The following UGT1A8 variants were observed in gnomAD, a reference collection of about 807,000 sequenced individuals.
The protein encoded by UGT1A8 is UDP glucuronosyltransferase family 1 member A8.
A neutral mutation model predicts 45.3 loss-of-function variants in UGT1A8; 39 were observed. The observed-to-expected ratio is 0.86, with a 90% CI of 0.67 to 1.12. The LOEUF (loss-of-function observed/expected upper bound fraction) is 1.12, where lower values mean the gene tolerates loss of function less well. Ranked by LOEUF, UGT1A8 falls within the 50% of genes most tolerant of loss-of-function variation. The probability of loss-of-function intolerance (pLI) is 0.00; values close to 1 mark genes in which losing one functional copy is unlikely to be tolerated. For synonymous variants in UGT1A8, 275 were observed against 249.2 expected, an observed-to-expected ratio of 1.10 and a Z score of -0.97; for missense variants, 719 against 664.9, an observed-to-expected ratio of 1.08 and a Z score of -0.90.
Position 233,729,749 on chromosome 2 carries a change from T to C in UGT1A8, c.856-37285T>C, listed in dbSNP as rs747302247. On this transcript the variant is annotated intron_variant, in intron 1 of 4. Coordinates refer to ENST00000373450, the MANE Select transcript of UGT1A8 (RefSeq NM_019076.5). ...ACCAATTCAGACCACATGACATTCA[T>C]GCAAAGGGTCAAGAACATGCTCTAC... The C allele has an allele frequency of 6.2e-6, 10 of 1,613,882 alleles. No homozygotes were observed. In the Admixed American group the frequency reaches 8.3e-5, roughly 13 times the overall value.
intron 1 of UGT1A8, among the ~76,000 whole-genome samples, chr2:233,695,490 A>G (rs1163711980): frequency 2.0e-5 from 3 of 149,960 alleles, no homozygotes; most frequent in East Asian, 3.9e-4. Flanking sequence ...TCTCTTTTCT[A>G]TCAAAGTTTT....
chr2:233,626,615 A>G (rs2073088024), intron 1 of UGT1A8, among the ~76,000 whole-genome samples: 1 of 152,076 alleles, frequency 6.6e-6, no homozygotes, highest in Admixed American at 6.6e-5. Context: ...AGCTCTGTCT[A>G]TAACAACAAT....
chr2:233,641,835 C>A (rs977714640), intron 1 of UGT1A8, among the ~76,000 whole-genome samples: 1 of 152,088 alleles, frequency 6.6e-6, no homozygotes, highest in Admixed American at 6.6e-5. Context: ...ATGCCACTCT[C>A]TCCTGGCCTG....
intron 1 of UGT1A8, chr2:233,682,765 C>G (rs141393523): frequency 8.1e-6 from 13 of 1,613,600 alleles, no homozygotes; most frequent in Non-Finnish European, 1.0e-5. Flanking sequence ...GTGGTATCAA[C>G]TGTCATCAGG....
At chr2:233,757,560 A>ATATATATATATATATATATATG (rs904896556) in intron 1 of UGT1A8, among the ~76,000 whole-genome samples, 6 of 123,150 alleles carry the variant, frequency 4.9e-5, no homozygotes, top group African/African-American at 2.0e-4. Flanking sequence ...ATATATATAT[A>ATATATATATATATATATATATG]TGTATATATG....
At chr2:233,680,451 G>A (rs17863777) in intron 1 of UGT1A8, among the ~76,000 whole-genome samples, 1 of 152,156 alleles carries the variant, frequency 6.6e-6, no homozygotes, top group East Asian at 1.9e-4. Flanking sequence ...AAGTGACTAA[G>A]CAAATGTCTA....
intron 1 of UGT1A8, among the ~76,000 whole-genome samples, chr2:233,663,920 A>G (rs1209441237): frequency 3.9e-5 from 6 of 152,192 alleles, no homozygotes; most frequent in Admixed American, 3.9e-4. Context: ...GTAGAATGAT[A>G]TAACTTCCAA....
chr2:233,628,027 C>G (rs1430688558), intron 1 of UGT1A8, among the ~76,000 whole-genome samples: 2 of 151,986 alleles, frequency 1.3e-5, no homozygotes, highest in Admixed American at 6.6e-5. Context: ...CACTTCAGCT[C>G]ACTGGAATAG....
chr2:233,762,997 ATCATT>A (rs1212266483), intron 1 of UGT1A8, among the ~76,000 whole-genome samples: 2 of 152,206 alleles, frequency 1.3e-5, no homozygotes, highest in African/African-American at 4.8e-5. Context: ...GAAATTGATT[ATCATT>A]TCATTATTTT....
intron 1 of UGT1A8, chr2:233,690,950 T>C (rs2075022597): frequency 1.4e-5 from 14 of 1,011,308 alleles, no homozygotes; most frequent in Non-Finnish European, 1.7e-5. Context: ...TCATGTTCTG[T>C]AGGGACTTCT....
chr2:233,626,011 G>A (rs1483645518), intron 1 of UGT1A8, among the ~76,000 whole-genome samples: 5 of 152,032 alleles, frequency 3.3e-5, no homozygotes, highest in Non-Finnish European at 2.9e-5. Flanking sequence ...GGGCTGTGGA[G>A]GAGGAGGAGT....
chr2:233,629,664 T>A (rs1467201011), intron 1 of UGT1A8, among the ~76,000 whole-genome samples: 1 of 152,160 alleles, frequency 6.6e-6, no homozygotes, highest in Non-Finnish European at 1.5e-5. Context: ...CCCCTAGGCT[T>A]CAGTTTTTGG....
At position 233,733,533 on chromosome 2, in the gene UGT1A8, G is replaced by A. The variant is rs184573517; in HGVS notation, c.856-33501G>A. On this transcript the variant is annotated intron_variant, in intron 1 of 4. Coordinates refer to ENST00000373450, the MANE Select transcript of UGT1A8 (RefSeq NM_019076.5). ...TAGGCATGAAGGGATGTTTAATTTT[G>A]TTGAAGGCCTTTTCTGCATCTGTTG... 2.9e-3 allele frequency among the ~76,000 whole-genome samples: 440 copies of A among 152,268 alleles called. 3 individuals carry two copies. Among genetic ancestry groups the A allele is most frequent in the African/African-American group, 0.01 (417 of 41,554 alleles).
intron 1 of UGT1A8, among the ~76,000 whole-genome samples, chr2:233,720,216 C>G (rs1381624179): frequency 6.6e-6 from 1 of 152,096 alleles, no homozygotes; most frequent in Non-Finnish European, 1.5e-5. Context: ...GGGATGGATG[C>G]ATGTGATCAG....
At position 233,670,779 on chromosome 2, in the gene UGT1A8, C is replaced by G. The variant is rs150896440; in HGVS notation, c.855+52217C>G. ...ACCTTCAGTGTTGAACTCATGGGTT[C>G]TGGGTGGCTAGGGGCATTGTCCAAA... is the stretch of plus-strand genomic sequence containing the variant. On this transcript the variant is annotated intron_variant, in intron 1 of 4. Coordinates refer to ENST00000373450, the MANE Select transcript of UGT1A8 (RefSeq NM_019076.5). Among the ~76,000 whole-genome samples, 389 of 152,284 alleles carry G rather than the reference C, an allele frequency of 2.6e-3. 1 individual carries two copies. Among genetic ancestry groups the G allele is most frequent in the African/African-American group, 8.7e-3 (363 of 41,562 alleles).
intron 1 of UGT1A8, among the ~76,000 whole-genome samples, chr2:233,721,151 A>C (rs2076923692): frequency 6.6e-6 from 1 of 152,178 alleles, no homozygotes. Context: ...TGCAAAGGAC[A>C]CTAAACTTTA....
At position 233,667,387 on chromosome 2, in the gene UGT1A8, TGGATTAA is replaced by T. The variant is rs2074100922; in HGVS notation, c.855+48826_855+48832del. 2.5e-4 allele frequency among the ~76,000 whole-genome samples: 38 copies of T among 152,306 alleles called. No individual in the cohort carries two copies. The South Asian group carries it at 7.7e-3, about 31-fold the overall frequency. On this transcript the variant is annotated intron_variant, in intron 1 of 4. Coordinates refer to ENST00000373450, the MANE Select transcript of UGT1A8 (RefSeq NM_019076.5). ...ACCTTATACAAAAATTAATTCAAGA[TGGATTAA>T]AGACTTAAATGTTAGACCTTAAACC... is the stretch of plus-strand genomic sequence containing the variant.
At chr2:233,732,047 A>C (rs1159846609) in intron 1 of UGT1A8, among the ~76,000 whole-genome samples, 1 of 152,222 alleles carries the variant, frequency 6.6e-6, no homozygotes, top group Admixed American at 6.5e-5. Flanking sequence ...GATGATGAGC[A>C]TTTATTCATG....
rs1035578503 is a variant in UGT1A8 at position 233,760,453 on chromosome 2, G to C, written c.856-6581G>C. 3 of 1,614,120 alleles carry C rather than the reference G, an allele frequency of 1.9e-6. No individual in the cohort carries two copies. The African/African-American group carries it at 4.0e-5, about 22-fold the overall frequency. ...CCAGCAGCTGCAGCAGAGGGGACAT[G>C]AAATAGTTGTCCTAGCACCTGACGC... On this transcript the variant is annotated intron_variant, in intron 1 of 4. Transcript: ENST00000373450.
Sources: allele counts gnomAD v4.1 joint callset (sites outside exome capture counted in the v4.1 genomes callset), GRCh38; gene constraint gnomAD v4.1.1; transcripts MANE v1.5; gene names NCBI Gene and HGNC (gene_info 2026-07-23, HGNC 2026-07-21).